The following COBL variants were observed in gnomAD, a reference collection of about 807,000 sequenced individuals.
COBL encodes cordon-bleu WH2 repeat protein, also known as protein cordon-bleu.
In COBL, 51 loss-of-function variants were observed where a neutral mutation model predicts 98.8. The ratio of observed to expected loss-of-function variants is 0.52; its 90% confidence interval spans 0.41 to 0.65. The LOEUF is 0.65. Ranked by LOEUF, COBL falls within the 30% of genes least tolerant of loss-of-function variation. The pLI, the probability that COBL is intolerant of heterozygous loss-of-function variation, is 0.00. For synonymous variants in COBL, 634 were observed against 651.7 expected (o/e 0.97, Z 0.41); for missense variants, 1,617 against 1,617.5 (o/e 1.00, Z 0.01).
At chr7:51,100,541 A>G (rs926063617) in intron 6 of COBL, among the ~76,000 whole-genome samples, 1 of 152,220 alleles carries the variant, frequency 6.6e-6, no homozygotes, top group Non-Finnish European at 1.5e-5. Context: ...ATAACGACAT[A>G]TTCCAGAATT....
At chr7:51,090,346 T>C (rs558264719) in intron 6 of COBL, among the ~76,000 whole-genome samples, 2 of 152,346 alleles carry the variant, frequency 1.3e-5, no homozygotes, top group East Asian at 3.9e-4. Flanking sequence ...AGAATGGCCA[T>C]GCTGAAATGG....
At chr7:51,161,017 A>G (rs1193639726) in intron 5 of COBL, among the ~76,000 whole-genome samples, 2 of 152,032 alleles carry the variant, frequency 1.3e-5, no homozygotes, top group African/African-American at 4.8e-5. Context: ...CTAAAGGTAC[A>G]AGCTAAATTT....
At chr7:51,203,699 A>G (rs1317030601) in intron 2 of COBL, among the ~76,000 whole-genome samples, 2 of 152,084 alleles carry the variant, frequency 1.3e-5, no homozygotes, top group African/African-American at 4.8e-5. Flanking sequence ...TCCTGAAGAG[A>G]CCAATAACAA....
At chr7:51,156,003 T>C (rs147579702) in intron 5 of COBL, among the ~76,000 whole-genome samples, 3,139 of 152,306 alleles carry the variant, frequency 0.021, 122 homozygotes, top group African/African-American at 0.072. Context: ...AACCACTGTA[T>C]TTTCAAAGAA....
At chr7:51,180,533 G>A (rs1788840178) in intron 5 of COBL, among the ~76,000 whole-genome samples, 1 of 152,128 alleles carries the variant, frequency 6.6e-6, no homozygotes, top group African/African-American at 2.4e-5. Flanking sequence ...GAGTCAGTAT[G>A]GCCACTCTTA....
intron 5 of COBL, among the ~76,000 whole-genome samples, chr7:51,146,325 C>T (rs1349142620): frequency 2.0e-5 from 3 of 152,184 alleles, no homozygotes; most frequent in African/African-American, 7.2e-5. Flanking sequence ...TCCCTTGCCA[C>T]CTCCTTTTAG....
intron 6 of COBL, among the ~76,000 whole-genome samples, chr7:51,101,907 C>A (rs1420578709): frequency 2.0e-5 from 3 of 152,112 alleles, no homozygotes; most frequent in Non-Finnish European, 2.9e-5. Context: ...GAAATCCTAA[C>A]CTCCAAGGTG....
intron 2 of COBL, among the ~76,000 whole-genome samples, chr7:51,213,701 A>T (rs1336818214): frequency 6.6e-6 from 1 of 152,102 alleles, no homozygotes; most frequent in Non-Finnish European, 1.5e-5. Flanking sequence ...CTGTCAACTG[A>T]GGTGAGTAGG....
intron 7 of COBL, among the ~76,000 whole-genome samples, chr7:51,063,138 CT>C (rs68014446): frequency 0.91 from 130,752 of 144,220 alleles, 59,373 homozygotes; most frequent in Non-Finnish European, 0.93. Flanking sequence ...TTTTCTCTCT[CT>C]TTTTTTTTTT....
chr7:51,230,692 C>T (rs561264347), intron 1 of COBL, among the ~76,000 whole-genome samples: 3 of 152,372 alleles, frequency 2.0e-5, no homozygotes, highest in South Asian at 2.1e-4. Context: ...CTTCCTAATG[C>T]AAACACGTTA....
At chr7:51,114,801 T>G (rs4947572) in intron 6 of COBL, among the ~76,000 whole-genome samples, 60,398 of 152,010 alleles carry the variant, frequency 0.4, 12,163 homozygotes, top group East Asian at 0.56. Flanking sequence ...ACATATTCCT[T>G]GTGATAACTT....
chr7:51,185,937 G>A (rs1288130326), intron 4 of COBL, among the ~76,000 whole-genome samples: 1 of 152,228 alleles, frequency 6.6e-6, no homozygotes, highest in African/African-American at 2.4e-5. Context: ...CTAGCCACCA[G>A]GGCAGGGCCA....
intron 5 of COBL, among the ~76,000 whole-genome samples, chr7:51,136,591 G>A (rs545057267): frequency 7.9e-5 from 12 of 152,194 alleles, no homozygotes; most frequent in Non-Finnish European, 1.6e-4. Flanking sequence ...AAGCCATTAA[G>A]AGAACACTTA....
At chr7:51,249,300 A>T (rs981717917) in intron 1 of COBL, among the ~76,000 whole-genome samples, 2 of 152,178 alleles carry the variant, frequency 1.3e-5, no homozygotes, top group Non-Finnish European at 2.9e-5. Flanking sequence ...AACACAACAA[A>T]CAGACACAGA....
At chr7:51,106,783 A>G (rs992041847) in intron 6 of COBL, among the ~76,000 whole-genome samples, 4 of 152,148 alleles carry the variant, frequency 2.6e-5, no homozygotes, top group Non-Finnish European at 5.9e-5. Flanking sequence ...AGTTTCTATC[A>G]TCATCATTCT....
intron 8 of COBL, among the ~76,000 whole-genome samples, chr7:51,040,979 T>G (rs1223307936): frequency 6.6e-6 from 1 of 152,248 alleles, no homozygotes; most frequent in Non-Finnish European, 1.5e-5. Context: ...AGATGTGGAA[T>G]GCAAACCTGT....
intron 2 of COBL, among the ~76,000 whole-genome samples, chr7:51,200,919 G>T (rs1182284832): frequency 6.6e-6 from 1 of 152,054 alleles, no homozygotes; most frequent in East Asian, 1.9e-4. Flanking sequence ...TGAAAATAAA[G>T]AATGAAGAAT....
chr7:51,195,426 T>C (rs1171348355), intron 2 of COBL, among the ~76,000 whole-genome samples: 1 of 152,226 alleles, frequency 6.6e-6, no homozygotes, highest in African/African-American at 2.4e-5. Context: ...AGCCCTATAG[T>C]ATAGTTTTAA....
chr7:51,057,551 G>A (rs963712360), intron 7 of COBL, among the ~76,000 whole-genome samples: 1 of 152,106 alleles, frequency 6.6e-6, no homozygotes, highest in African/African-American at 2.4e-5. Flanking sequence ...GCGTCTGCTT[G>A]TAACAGTGAT....
Sources: gnomAD v4.1 joint callset for allele counts (sites outside exome capture counted in the v4.1 genomes callset) on GRCh38, gnomAD v4.1.1 for gene constraint, MANE v1.5 for transcripts, NCBI Gene and HGNC (gene_info 2026-07-23, HGNC 2026-07-21) for gene names.